Variants in VEGFC observed in about 807,000 individuals in gnomAD.
VEGFC encodes FLT4 ligand DHM.
A neutral mutation model predicts 46.1 loss-of-function variants in VEGFC; 12 were observed. That is an observed-to-expected ratio of 0.26 (90% CI 0.17 to 0.42). VEGFC has a LOEUF of 0.42. VEGFC is among the 10% of genes least tolerant of loss of function. VEGFC has a pLI of 1.00. For synonymous variants in VEGFC, 232 were observed against 195.5 expected, an observed-to-expected ratio of 1.19 and a Z score of -1.56; for missense variants, 488 against 529.4, an observed-to-expected ratio of 0.92 and a Z score of 0.77.
chr4:176,711,650 A>G lies in VEGFC; in HGVS notation c.553T>C (p.Leu185=), dbSNP rs1371941416. 18 of 1,612,552 alleles carry G rather than the reference A, an allele frequency of 1.1e-5. No homozygotes were observed. Among genetic ancestry groups the G allele is most frequent in the Non-Finnish European group, 1.4e-5 (17 of 1,179,402 alleles). ...NTSTSYLSKT[L]FEITVPLSQG... Reference sequence around the variant, plus strand: ...GAGAGAGGCACTGTAATTTCAAATAACTACAAAGAAGGGACAAAAAGAAGA... The same window carrying G: ...GAGAGAGGCACTGTAATTTCAAATAGCTACAAAGAAGGGACAAAAAGAAGA... Residue 185 remains leucine, a splice_region_variant and synonymous_variant, in exon 4 of 7, where the codon TTA becomes CTA. Coordinates refer to ENST00000618562, the MANE Select transcript of VEGFC (RefSeq NM_005429.5).
In VEGFC at chr4:176,687,241, T is replaced by C. The variant is rs1734057885; in HGVS notation, c.1091A>G (p.Glu364Gly). The change falls in exon 6 of 7, where the codon GAA becomes GGA. Residue 364 changes from glutamate to glycine, a missense_variant. Transcript: ENST00000618562. ...NPGKCACECT[E>G]SPQKCLLKGK... Reference sequence around the variant, plus strand: ...TTTTAACAAGCATTTCTGTGGACTTTCTGTACATTCACAGGCACATTTTCC... The same window carrying C: ...TTTTAACAAGCATTTCTGTGGACTTCCTGTACATTCACAGGCACATTTTCC... 1.3e-5 allele frequency: 21 copies of C among 1,614,220 alleles called. No homozygotes were observed. The highest frequency in any genetic ancestry group is 1.8e-5 in the Non-Finnish European group (21 of 1,180,042).
chr4:176,738,741 A>T (rs904041277), intron 1 of VEGFC, among the ~76,000 whole-genome samples: 8 of 152,090 alleles, frequency 5.3e-5, no homozygotes, highest in African/African-American at 1.7e-4. Context: ...ACAGCAAAAG[A>T]AACTATCATC....
Position 176,692,560 on chromosome 4 carries a change from G to C in VEGFC, c.705-4633C>G. On this transcript the variant is annotated intron_variant, in intron 4 of 6. Transcript: ENST00000618562. ...CAATGAGGCTGGGGGAGGGACGCCC[G>C]CCATTGCCCAGGCTTGATTAGGTAA... Among the ~76,000 whole-genome samples the C allele has an allele frequency of 1.5e-5, 2 of 134,566 alleles. 1 individual carries two copies. The allele number at this position is 134,566 out of a possible 152,430, so 88.3% of individuals were successfully genotyped here.
intron 1 of VEGFC, among the ~76,000 whole-genome samples, chr4:176,752,008 T>C (rs1169265611): frequency 6.6e-6 from 1 of 152,036 alleles, no homozygotes; most frequent in Non-Finnish European, 1.5e-5. Flanking sequence ...TATTTCTTTG[T>C]TTTTATAAAA....
At chr4:176,729,153 A>G (rs929426061) in intron 2 of VEGFC, among the ~76,000 whole-genome samples, 1 of 152,244 alleles carries the variant, frequency 6.6e-6, no homozygotes, top group African/African-American at 2.4e-5. Context: ...GTGATTTCAA[A>G]TGAAGCATTT....
intron 1 of VEGFC, among the ~76,000 whole-genome samples, chr4:176,734,869 T>C (rs928032846): frequency 6.6e-6 from 1 of 151,882 alleles, no homozygotes; most frequent in Non-Finnish European, 1.5e-5. Flanking sequence ...TAATATTTTT[T>C]AAAATTTAAA....
chr4:176,789,988 T>C (rs1356143713), intron 1 of VEGFC, among the ~76,000 whole-genome samples: 1 of 152,234 alleles, frequency 6.6e-6, no homozygotes, highest in Non-Finnish European at 1.5e-5. Context: ...GGGGTTCATG[T>C]AGTTATAGAA....
chr4:176,749,664 G>A (rs557789433), intron 1 of VEGFC, among the ~76,000 whole-genome samples: 43 of 151,558 alleles, frequency 2.8e-4, no homozygotes, highest in African/African-American at 9.9e-4. Context: ...AAATTTTCAA[G>A]AACATAAAAA....
At chr4:176,774,809 TAA>T (rs1491154266) in intron 1 of VEGFC, among the ~76,000 whole-genome samples, 10 of 27,058 alleles carry the variant, frequency 3.7e-4, no homozygotes, top group Non-Finnish European at 7.1e-4. Context: ...TAAAGTATAA[TAA>T]TAAAAAAAAA....
At chr4:176,728,726 A>G (rs979560599) in intron 2 of VEGFC, among the ~76,000 whole-genome samples, 3 of 152,222 alleles carry the variant, frequency 2.0e-5, no homozygotes, top group African/African-American at 7.2e-5. Context: ...GAATTTTTGG[A>G]AAAGGACATA....
In VEGFC at chr4:176,703,801, A is replaced by G. The variant is rs73872156; in HGVS notation, c.704+7698T>C. Among the ~76,000 whole-genome samples, 212 of 152,252 alleles carry G rather than the reference A, an allele frequency of 1.4e-3. 1 individual carries two copies. Among genetic ancestry groups the G allele is most frequent in the African/African-American group, 5.0e-3 (209 of 41,570 alleles). ...AAAATGCAGTCATAGCCACACCTCAAAAGAAATGGATTATATCCAAACAAA... is the reference window on the plus strand; with the variant it reads ...AAAATGCAGTCATAGCCACACCTCAGAAGAAATGGATTATATCCAAACAAA... On this transcript the variant is annotated intron_variant, in intron 4 of 6. Transcript: ENST00000618562.
At chr4:176,714,112 G>T (rs1033702004) in intron 3 of VEGFC, among the ~76,000 whole-genome samples, 5 of 152,182 alleles carry the variant, frequency 3.3e-5, no homozygotes, top group African/African-American at 1.2e-4. Context: ...ATATGGTTTG[G>T]ATCTGTGTCT....
intron 4 of VEGFC, among the ~76,000 whole-genome samples, chr4:176,701,063 AC>A (rs1263466899): frequency 1.3e-5 from 2 of 152,178 alleles, no homozygotes; most frequent in African/African-American, 2.4e-5. Flanking sequence ...CACAGAACTT[AC>A]ACCCAAAAAA....
In VEGFC at chr4:176,727,951, T is replaced by G; in HGVS notation, c.379A>C (p.Arg127=). Reference sequence around the variant, plus strand: ...TCCCGTGGCATGCATTGAGTCTTTCTCCACTCATTATCAATACCTGTCAAG... The same window carrying G: ...TCCCGTGGCATGCATTGAGTCTTTCGCCACTCATTATCAATACCTGTCAAG... ...EILKSIDNEW[R]KTQCMPREVC... is the part of the protein sequence containing the mutation. Residue 127 remains arginine, a synonymous_variant, in exon 3 of 7, where the codon AGA becomes CGA. Transcript: ENST00000618562. The G allele has an allele frequency of 6.2e-7, 1 of 1,610,890 alleles. No homozygotes were observed. Among genetic ancestry groups the G allele is most frequent in the Non-Finnish European group, 8.5e-7 (1 of 1,178,120 alleles).
chr4:176,690,334 T>C (rs968531261), intron 4 of VEGFC, among the ~76,000 whole-genome samples: 7 of 152,126 alleles, frequency 4.6e-5, no homozygotes, highest in African/African-American at 1.7e-4. Context: ...GTTTCTTTTT[T>C]TTTTTTTGGC....
At chr4:176,790,056 T>C (rs1172626602) in intron 1 of VEGFC, among the ~76,000 whole-genome samples, 1 of 152,228 alleles carries the variant, frequency 6.6e-6, no homozygotes, top group Non-Finnish European at 1.5e-5. Flanking sequence ...AATGTGGTGC[T>C]TGTACAGGCC....
chr4:176,737,113 A>G (rs899690673), intron 1 of VEGFC, among the ~76,000 whole-genome samples: 1 of 150,652 alleles, frequency 6.6e-6, no homozygotes, highest in Non-Finnish European at 1.5e-5. Flanking sequence ...TTATTGTATT[A>G]ACTAATAAAC....
At chr4:176,756,342 A>G (rs189978324) in intron 1 of VEGFC, among the ~76,000 whole-genome samples, 50 of 152,224 alleles carry the variant, frequency 3.3e-4, no homozygotes, top group Admixed American at 1.7e-3. Context: ...AGTAGAATCA[A>G]TTAAGGAATA....
chr4:176,692,919 G>C (rs1185602717), intron 4 of VEGFC, among the ~76,000 whole-genome samples: 9 of 148,006 alleles, frequency 6.1e-5, no homozygotes, highest in East Asian at 2.0e-4. Flanking sequence ...TGAGGGTCCT[G>C]TCTGTTAGAA....
Sources: gnomAD v4.1 joint callset for allele counts (sites outside exome capture counted in the v4.1 genomes callset) on GRCh38, gnomAD v4.1.1 for gene constraint, MANE v1.5 for transcripts, NCBI Gene and HGNC (gene_info 2026-07-23, HGNC 2026-07-21) for gene names.